EXOC6B: variants seen among roughly 807,000 people sequenced by gnomAD.
The protein encoded by EXOC6B is exocyst complex component 6B, also known as SEC15 homolog B.
Under a neutral mutation model 113.5 loss-of-function variants are expected in EXOC6B, and 54 were observed. The observed-to-expected ratio is 0.48, with a 90% CI of 0.38 to 0.60. EXOC6B has a LOEUF of 0.60. EXOC6B is among the 20% of genes least tolerant of loss of function. The pLI is 0.00. For synonymous variants in EXOC6B, 357 were observed against 339.0 expected (o/e 1.05, Z -0.58); for missense variants, 797 against 977.5 (o/e 0.82, Z 2.46).
chr2:72,378,834 T>G (rs920815400), intron 19 of EXOC6B, among the ~76,000 whole-genome samples: 2 of 152,208 alleles, frequency 1.3e-5, no homozygotes, highest in African/African-American at 4.8e-5. Context: ...CAACAGCTCT[T>G]CATTCTTTCC....
At chr2:72,395,160 C>G (rs1692641913) in intron 18 of EXOC6B, among the ~76,000 whole-genome samples, 1 of 152,080 alleles carries the variant, frequency 6.6e-6, no homozygotes, top group Non-Finnish European at 1.5e-5. Context: ...AAAATATTAA[C>G]TAAAGCTTCC....
intron 20 of EXOC6B, among the ~76,000 whole-genome samples, chr2:72,257,016 A>T (rs919064511): frequency 3.3e-5 from 5 of 152,172 alleles, no homozygotes; most frequent in African/African-American, 1.2e-4. Context: ...TGCTCTGCAT[A>T]AGCAGTCACT....
At chr2:72,480,527 C>T (rs1699018081) in intron 17 of EXOC6B, 89 bp downstream of exon 17, 1 of 1,192,498 alleles carries the variant, frequency 8.4e-7, no homozygotes, top group African/African-American at 1.6e-5. Flanking sequence ...ATGTTATAAA[C>T]CATCTTACAG....
chr2:72,498,935 A>G (rs1700183619), intron 12 of EXOC6B, among the ~76,000 whole-genome samples: 1 of 152,178 alleles, frequency 6.6e-6, no homozygotes, highest in Non-Finnish European at 1.5e-5. Flanking sequence ...CTATTCTATT[A>G]GATATAATAT....
At chr2:72,481,787 C>G (rs757305433) in intron 16 of EXOC6B, among the ~76,000 whole-genome samples, 1 of 151,862 alleles carries the variant, frequency 6.6e-6, no homozygotes, top group Non-Finnish European at 1.5e-5. Flanking sequence ...TTTCCCTTTT[C>G]TTACATAGAA....
chr2:72,770,214 T>C (rs1361961997), intron 1 of EXOC6B, among the ~76,000 whole-genome samples: 1 of 152,014 alleles, frequency 6.6e-6, no homozygotes, highest in Non-Finnish European at 1.5e-5. Flanking sequence ...AGATTAAAAG[T>C]GATCAAGTAT....
At chr2:72,697,003 G>A (rs913386151) in intron 6 of EXOC6B, among the ~76,000 whole-genome samples, 10 of 152,088 alleles carry the variant, frequency 6.6e-5, no homozygotes, top group African/African-American at 2.4e-4. Context: ...TCTGTACAAG[G>A]AATTTAAATG....
At chr2:72,453,961 C>A (rs1268043817) in intron 18 of EXOC6B, among the ~76,000 whole-genome samples, 3 of 152,168 alleles carry the variant, frequency 2.0e-5, no homozygotes, top group Non-Finnish European at 1.5e-5. Context: ...CATAGGACAG[C>A]AGGAGAGAGA....
At position 72,412,743 on chromosome 2, in the gene EXOC6B, A is replaced by T. The variant is rs2105227918; in HGVS notation, c.1981-32873T>A. 2.0e-5 allele frequency among the ~76,000 whole-genome samples: 3 copies of T among 152,048 alleles called. 1 individual carries two copies. Among genetic ancestry groups the T allele is most frequent in the Admixed American group, 2.0e-4 (3 of 15,276 alleles). On this transcript the variant is annotated intron_variant, in intron 18 of 21. Coordinates refer to ENST00000272427, the MANE Select transcript of EXOC6B (RefSeq NM_015189.3). Reference sequence around the variant, plus strand: ...AATGTCTTTCACATATCTCCATAGGATTTAGTTCTTAGTTATTTCTAGAAC... The same window carrying T: ...AATGTCTTTCACATATCTCCATAGGTTTTAGTTCTTAGTTATTTCTAGAAC...
intron 1 of EXOC6B, among the ~76,000 whole-genome samples, chr2:72,795,745 A>G (rs1055547853): frequency 5.9e-5 from 9 of 152,210 alleles, no homozygotes; most frequent in Non-Finnish European, 1.2e-4. Context: ...AGGTAAAATT[A>G]AAGTGCTTAT....
chr2:72,411,012 C>A (rs1694146704), intron 18 of EXOC6B, among the ~76,000 whole-genome samples: 1 of 152,108 alleles, frequency 6.6e-6, no homozygotes, highest in Non-Finnish European at 1.5e-5. Context: ...AGTTCAAGAC[C>A]AGCCTGAGCA....
intron 8 of EXOC6B, among the ~76,000 whole-genome samples, chr2:72,516,257 TA>T (rs1701207525): frequency 2.0e-5 from 3 of 152,268 alleles, no homozygotes; most frequent in South Asian, 4.1e-4. Flanking sequence ...TTTTTACTTT[TA>T]TTTTTTTTGA....
intron 8 of EXOC6B, among the ~76,000 whole-genome samples, chr2:72,529,978 T>C (rs755890059): frequency 3.9e-5 from 6 of 152,308 alleles, no homozygotes; most frequent in Non-Finnish European, 8.8e-5. Flanking sequence ...ATATTCCCTG[T>C]TTTAGTTTTA....
At chr2:72,814,694 A>G (rs1043404509) in intron 1 of EXOC6B, among the ~76,000 whole-genome samples, 7 of 152,188 alleles carry the variant, frequency 4.6e-5, no homozygotes, top group African/African-American at 1.7e-4. Context: ...TCAATTTTTT[A>G]AAAAAATTAT....
At position 72,496,567 on chromosome 2, in the gene EXOC6B, TGGAAGGATAGACAAAGGGAAG is replaced by T. The variant is rs745859425; in HGVS notation, c.1338-29_1338-9del. 87 of 1,540,036 alleles carry T rather than the reference TGGAAGGATAGACAAAGGGAAG, an allele frequency of 5.6e-5. No individual in the cohort carries two copies. In the African/African-American group the frequency reaches 1.1e-3, roughly 20 times the overall value. ...TCAGAATCAAGTATGTTTCTATAAA[TGGAAGGATAGACAAAGGGAAG>T]GGAAGGATAGACAAAGTGGGGGGGT... is the stretch of plus-strand genomic sequence containing the variant. On this transcript the variant is annotated splice_polypyrimidine_tract_variant and intron_variant, in intron 13 of 21. Coordinates refer to ENST00000272427, the MANE Select transcript of EXOC6B (RefSeq NM_015189.3).
At chr2:72,237,009 A>T (rs1245818019) in intron 20 of EXOC6B, among the ~76,000 whole-genome samples, 3 of 152,192 alleles carry the variant, frequency 2.0e-5, no homozygotes. Context: ...ACACATAGTT[A>T]ATATTTCCTG....
chr2:72,523,571 G>A (rs530057850), intron 8 of EXOC6B, among the ~76,000 whole-genome samples: 114 of 152,226 alleles, frequency 7.5e-4, no homozygotes, highest in African/African-American at 2.5e-3. Context: ...GAGGTCAGGA[G>A]ATCGTAGCCA....
intron 20 of EXOC6B, among the ~76,000 whole-genome samples, chr2:72,289,430 A>C (rs1685649080): frequency 6.6e-6 from 1 of 152,296 alleles, no homozygotes; most frequent in East Asian, 1.9e-4. Flanking sequence ...GTGAATACAG[A>C]TTAAGTCATG....
intron 19 of EXOC6B, among the ~76,000 whole-genome samples, chr2:72,372,125 G>C (rs1342545958): frequency 6.6e-6 from 1 of 151,932 alleles, no homozygotes; most frequent in Non-Finnish European, 1.5e-5. Flanking sequence ...AGAAGTAAAG[G>C]ATCTTACAAA....
Sources: allele counts gnomAD v4.1 joint callset (sites outside exome capture counted in the v4.1 genomes callset), GRCh38; gene constraint gnomAD v4.1.1; transcripts MANE v1.5; gene names NCBI Gene and HGNC (gene_info 2026-07-23, HGNC 2026-07-21).